ZNF385D: variants seen among roughly 807,000 people sequenced by gnomAD.
The protein encoded by ZNF385D is zinc finger protein 659.
ZNF385D carries 15 observed loss-of-function variants against 35.8 expected under a neutral mutation model. That is an observed-to-expected ratio of 0.42 (90% CI 0.28 to 0.64). The LOEUF (loss-of-function observed/expected upper bound fraction) is 0.64. ZNF385D is among the 30% of genes least tolerant of loss of function. The pLI is 0.23. For synonymous variants in ZNF385D, 212 were observed against 186.8 expected (o/e 1.13, Z -1.10); for missense variants, 474 against 494.6 (o/e 0.96, Z 0.39).
intron 3 of ZNF385D, among the ~76,000 whole-genome samples, chr3:22,086,406 A>G (rs1576294798): frequency 6.6e-6 from 1 of 151,894 alleles, no homozygotes; most frequent in Non-Finnish European, 1.5e-5. Context: ...CTATACACCA[A>G]TAACAGACAG....
Position 21,991,163 on chromosome 3 carries a change from A to T in ZNF385D, c.325+177654T>A, listed in dbSNP as rs566391125. 2.6e-5 allele frequency among the ~76,000 whole-genome samples: 4 copies of T among 152,316 alleles called. No individual in the cohort carries two copies. The East Asian group carries it at 7.7e-4, about 29-fold the overall frequency. Reference sequence around the variant, plus strand: ...TTCCTTTGCTGTCAGTGTTTTATGCATGTGTTTGGTTCCATAAGCAAACTA... The same window carrying T: ...TTCCTTTGCTGTCAGTGTTTTATGCTTGTGTTTGGTTCCATAAGCAAACTA... On this transcript the variant is annotated intron_variant, in intron 3 of 5. Transcript: ENST00000494108.
chr3:21,980,769 A>G (rs968818736), intron 3 of ZNF385D, among the ~76,000 whole-genome samples: 4 of 152,064 alleles, frequency 2.6e-5, no homozygotes, highest in Non-Finnish European at 5.9e-5. Context: ...CTTTGTGTTC[A>G]TAAGTTCTTA....
chr3:22,314,936 A>T (rs946724122), intron 2 of ZNF385D, among the ~76,000 whole-genome samples: 1 of 152,128 alleles, frequency 6.6e-6, no homozygotes. Flanking sequence ...CAAGGGGAAA[A>T]TGAATGGATG....
chr3:21,636,378 TTATATATA>T (rs1183440640), intron 2 of ZNF385D, among the ~76,000 whole-genome samples: 44 of 47,980 alleles, frequency 9.2e-4, no homozygotes, highest in African/African-American at 2.1e-3. Context: ...ATATATATGA[TTATATATA>T]TATATATATA....
chr3:22,228,374 C>A (rs1698688057), intron 2 of ZNF385D, among the ~76,000 whole-genome samples: 1 of 152,092 alleles, frequency 6.6e-6, no homozygotes, highest in Non-Finnish European at 1.5e-5. Flanking sequence ...CCTACCAACC[C>A]CCCATGCAGC....
intron 4 of ZNF385D, among the ~76,000 whole-genome samples, chr3:21,490,487 A>G (rs2125404704): frequency 6.6e-6 from 1 of 152,248 alleles, no homozygotes; most frequent in South Asian, 2.1e-4. Flanking sequence ...CTACCCCTTT[A>G]TGCCTGTCTC....
chr3:22,001,905 G>A (rs1364232793), intron 3 of ZNF385D, among the ~76,000 whole-genome samples: 1 of 151,696 alleles, frequency 6.6e-6, no homozygotes, highest in East Asian at 1.9e-4. Context: ...AAATTAAAAT[G>A]GAAATATAAC....
intron 2 of ZNF385D, among the ~76,000 whole-genome samples, chr3:22,363,200 C>T (rs939911890): frequency 9.2e-6 from 1 of 109,204 alleles, no homozygotes; most frequent in African/African-American, 3.6e-5. Context: ...TAGAGGTACT[C>T]TTTCTTTCCT....
chr3:21,824,421 C>A (rs1661494018), intron 3 of ZNF385D, among the ~76,000 whole-genome samples: 1 of 149,418 alleles, frequency 6.7e-6, no homozygotes, highest in African/African-American at 2.5e-5. Context: ...TAATAAAAAA[C>A]AAAATCTTCT....
chr3:21,728,842 T>C (rs968630724), intron 1 of ZNF385D, among the ~76,000 whole-genome samples: 4 of 152,200 alleles, frequency 2.6e-5, no homozygotes, highest in African/African-American at 9.6e-5. Flanking sequence ...TTCTAACATT[T>C]TGTATACTTC....
chr3:22,329,301 A>G (rs2125457813), intron 2 of ZNF385D, among the ~76,000 whole-genome samples: 1 of 152,180 alleles, frequency 6.6e-6, no homozygotes, highest in South Asian at 2.1e-4. Context: ...GGTTTGGTAC[A>G]ATATTTTTAG....
intron 2 of ZNF385D, among the ~76,000 whole-genome samples, chr3:22,344,177 G>T (rs13097056): frequency 1.4e-5 from 2 of 140,846 alleles, no homozygotes; most frequent in African/African-American, 2.7e-5. Context: ...GGTGGGGTGG[G>T]GTGTGTGTGT....
At chr3:22,027,362 G>C (rs1047221785) in intron 3 of ZNF385D, among the ~76,000 whole-genome samples, 1 of 152,218 alleles carries the variant, frequency 6.6e-6, no homozygotes, top group African/African-American at 2.4e-5. Context: ...TGCTGTGCAA[G>C]CTGCTCTGCC....
intron 3 of ZNF385D, among the ~76,000 whole-genome samples, chr3:22,098,158 G>C (rs752215082): frequency 4.6e-5 from 7 of 152,162 alleles, no homozygotes; most frequent in South Asian, 2.1e-4. Flanking sequence ...AGGAAGTTGA[G>C]TTCAAGATAG....
intron 3 of ZNF385D, among the ~76,000 whole-genome samples, chr3:22,147,232 T>C (rs1478978928): frequency 6.6e-6 from 1 of 152,314 alleles, no homozygotes; most frequent in African/African-American, 2.4e-5. Flanking sequence ...AACCATTTCA[T>C]TCTCTCCTGG....
At chr3:22,118,742 C>T (rs1702935914) in intron 3 of ZNF385D, among the ~76,000 whole-genome samples, 1 of 152,066 alleles carries the variant, frequency 6.6e-6, no homozygotes, top group South Asian at 2.1e-4. Context: ...CCTAGCACCT[C>T]TTCTGTTAAC....
Position 21,622,272 on chromosome 3 carries a change from T to G in ZNF385D, c.165+42614A>C, listed in dbSNP as rs574759074. ...AAGTCAAAAGCAGTTGTCTTCAGACTTTCAATATCTTAAATTTGCCTTGAC... is the reference window on the plus strand; with the variant it reads ...AAGTCAAAAGCAGTTGTCTTCAGACGTTCAATATCTTAAATTTGCCTTGAC... On this transcript the variant is annotated intron_variant, in intron 2 of 7. Transcript: ENST00000281523. 3.9e-5 allele frequency among the ~76,000 whole-genome samples: 6 copies of G among 152,260 alleles called. No individual in the cohort carries two copies. The South Asian group carries it at 1.0e-3, about 26-fold the overall frequency.
At chr3:21,585,044 G>T (rs1006391136) in intron 2 of ZNF385D, among the ~76,000 whole-genome samples, 1 of 87,396 alleles carries the variant, frequency 1.1e-5, no homozygotes, top group Non-Finnish European at 2.2e-5. Context: ...GAAATATAAC[G>T]AATCTTTGTG....
chr3:21,912,276 C>G (rs1699999025), intron 3 of ZNF385D, among the ~76,000 whole-genome samples: 1 of 150,636 alleles, frequency 6.6e-6, no homozygotes, highest in Non-Finnish European at 1.5e-5. Context: ...ATAATAACCC[C>G]AAGTAGTTTA....
Sources: allele counts gnomAD v4.1 joint callset (sites outside exome capture counted in the v4.1 genomes callset), GRCh38; gene constraint gnomAD v4.1.1; transcripts MANE v1.5; gene names NCBI Gene and HGNC (gene_info 2026-07-23, HGNC 2026-07-21).